Variants in ITCH observed in about 807,000 individuals in gnomAD.
ITCH encodes itchy E3 ubiquitin protein ligase.
A neutral mutation model predicts 126.8 loss-of-function variants in ITCH; 28 were observed. The ratio of observed to expected loss-of-function variants is 0.22; its 90% CI spans 0.16 to 0.30. ITCH has a LOEUF of 0.30. Among genes scored for constraint, ITCH ranks in the 10% least tolerant of loss-of-function variants. The pLI, the probability that ITCH is intolerant of heterozygous loss-of-function variation, is 1.00. For missense variants in ITCH, 631 were observed against 1,032.4 expected, an observed-to-expected ratio of 0.61 and a Z score of 5.33; for synonymous variants, 342 against 340.0, an observed-to-expected ratio of 1.01 and a Z score of -0.06.
intron 6 of ITCH, among the ~76,000 whole-genome samples, chr20:34,414,810 GC>G: frequency 6.6e-6 from 1 of 152,114 alleles, no homozygotes; most frequent in East Asian, 1.9e-4. Context: ...GTACCACCCA[GC>G]CATTACAAGC....
chr20:34,397,321 T>G (rs947574368), intron 3 of ITCH, among the ~76,000 whole-genome samples: 1 of 152,154 alleles, frequency 6.6e-6, no homozygotes, highest in Admixed American at 6.6e-5. Flanking sequence ...GCGTCCGGCC[T>G]GTAAGTCTTT....
At chr20:34,377,436 T>A (rs917854627) in intron 2 of ITCH, among the ~76,000 whole-genome samples, 1 of 151,974 alleles carries the variant, frequency 6.6e-6, no homozygotes, top group African/African-American at 2.4e-5. Context: ...GGGTTTTTGG[T>A]TATCTCGGTT....
chr20:34,476,981 A>G (rs1414763713), intron 16 of ITCH, among the ~76,000 whole-genome samples: 1 of 152,226 alleles, frequency 6.6e-6, no homozygotes, highest in Non-Finnish European at 1.5e-5. Flanking sequence ...ATAGTGGGAC[A>G]CAAAATTTGA....
chr20:34,498,207 T>A (rs929962229), intron 23 of ITCH, among the ~76,000 whole-genome samples: 1 of 152,232 alleles, frequency 6.6e-6, no homozygotes, highest in Non-Finnish European at 1.5e-5. Flanking sequence ...ACTTAATGTG[T>A]TTATCAGTTC....
intron 6 of ITCH, among the ~76,000 whole-genome samples, chr20:34,418,781 G>A (rs1980335931): frequency 1.0e-5 from 1 of 97,492 alleles, no homozygotes; most frequent in Non-Finnish European, 2.0e-5. Flanking sequence ...TTTTTTGTGA[G>A]ACGGGGTTTC....
At chr20:34,392,426 C>T (rs2038520735) in intron 2 of ITCH, among the ~76,000 whole-genome samples, 1 of 152,140 alleles carries the variant, frequency 6.6e-6, no homozygotes, top group Non-Finnish European at 1.5e-5. Flanking sequence ...GAAATTTTAG[C>T]TTTGAGCATT....
chr20:34,444,267 AC>A (rs1984147463), intron 10 of ITCH, among the ~76,000 whole-genome samples: 1 of 152,184 alleles, frequency 6.6e-6, no homozygotes, highest in Non-Finnish European at 1.5e-5. Context: ...ATGTTTACTT[AC>A]ATATTTTGTA....
intron 21 of ITCH, 78 bp downstream of exon 21, chr20:34,489,464 C>T: frequency 1.5e-6 from 2 of 1,352,780 alleles, no homozygotes; most frequent in South Asian, 2.4e-5. Flanking sequence ...CTCACTTTCC[C>T]ATCTTTCCTG....
At chr20:34,411,546 A>G (rs1160387800) in intron 4 of ITCH, among the ~76,000 whole-genome samples, 1 of 152,150 alleles carries the variant, frequency 6.6e-6, no homozygotes, top group Non-Finnish European at 1.5e-5. Context: ...GTATCCCCTA[A>G]GAAGAGGAGC....
At chr20:34,369,976 G>T (rs2037558065) in intron 2 of ITCH, among the ~76,000 whole-genome samples, 1 of 151,830 alleles carries the variant, frequency 6.6e-6, no homozygotes, top group Non-Finnish European at 1.5e-5. Context: ...GTGGTGGCGT[G>T]TACCTGTAAT....
chr20:34,476,018 A>G lies in ITCH; in HGVS notation c.1570-1754A>G. 3 of 1,590,934 alleles carry G rather than the reference A, an allele frequency of 1.9e-6. No individual in the cohort carries two copies. In the Admixed American group the frequency reaches 5.0e-5, roughly 27 times the overall value. ...ATTGTCCATAGATTTTGTCAAACAG[A>G]TTTGGCAGCCCAACTGTGATCTGTT... is the stretch of plus-strand genomic sequence containing the variant. On this transcript the variant is annotated intron_variant, in intron 16 of 24. Coordinates refer to ENST00000374864, the MANE Select transcript of ITCH (RefSeq NM_031483.7).
chr20:34,464,945 G>A (rs541250550), intron 14 of ITCH, among the ~76,000 whole-genome samples: 128 of 152,190 alleles, frequency 8.4e-4, no homozygotes, highest in African/African-American at 2.7e-3. Context: ...TCCTGACCTC[G>A]TGATCCACAC....
intron 15 of ITCH, 144 bp downstream of exon 15, chr20:34,470,264 A>G (rs533788285): frequency 5.1e-4 from 390 of 766,986 alleles, no homozygotes; most frequent in Non-Finnish European, 7.4e-4. Flanking sequence ...TTTAGAGCAA[A>G]TAAATAGATT....
At chr20:34,498,776 T>C (rs1245027618) in intron 23 of ITCH, among the ~76,000 whole-genome samples, 1 of 152,020 alleles carries the variant, frequency 6.6e-6, no homozygotes, top group East Asian at 1.9e-4. Context: ...TTCTTTTCTT[T>C]TCCTCCTTTT....
chr20:34,478,144 C>T (rs1733246289), intron 17 of ITCH, among the ~76,000 whole-genome samples: 1 of 152,148 alleles, frequency 6.6e-6, no homozygotes, highest in Non-Finnish European at 1.5e-5. Context: ...TAGAGACTCA[C>T]CTAAGGCACA....
intron 3 of ITCH, chr20:34,402,389 G>T: frequency 1.3e-6 from 1 of 792,222 alleles, no homozygotes; most frequent in Non-Finnish European, 2.3e-6. Flanking sequence ...GTCCCAACAA[G>T]CAACAAAGGA....
chr20:34,376,353 G>T (rs1413903071), intron 2 of ITCH, among the ~76,000 whole-genome samples: 1 of 151,886 alleles, frequency 6.6e-6, no homozygotes, highest in Admixed American at 6.6e-5. Context: ...AGCCCAGGAG[G>T]TTGAGACTGC....
chr20:34,487,925 G>A (rs1379642932), intron 20 of ITCH, among the ~76,000 whole-genome samples: 2 of 152,162 alleles, frequency 1.3e-5, no homozygotes, highest in African/African-American at 2.4e-5. Flanking sequence ...GGGGACAAGA[G>A]CGAGACTTCG....
intron 4 of ITCH, among the ~76,000 whole-genome samples, chr20:34,410,055 C>A (rs114316821): frequency 1.1e-4 from 16 of 142,358 alleles, no homozygotes; most frequent in Admixed American, 2.1e-4. Flanking sequence ...AAAAGACAAA[C>A]AAAAAAAAAA....
Sources: allele counts gnomAD v4.1 joint callset (sites outside exome capture counted in the v4.1 genomes callset), GRCh38; gene constraint gnomAD v4.1.1; transcripts MANE v1.5; gene names NCBI Gene and HGNC (gene_info 2026-07-23, HGNC 2026-07-21).